Variants in AFF3 observed in about 807,000 individuals in gnomAD.
AFF3 encodes ALF transcription elongation factor 3, also known as AF4/FMR2 family member 3.
AFF3 carries 32 observed loss-of-function variants against 129.7 expected under a neutral mutation model. The ratio of observed to expected loss-of-function variants is 0.25; its 90% CI spans 0.19 to 0.33. AFF3 has a LOEUF of 0.33. AFF3 is among the 10% of genes least tolerant of loss of function. The probability of loss-of-function intolerance (pLI) is 1.00; values close to 1 mark genes in which losing one functional copy is unlikely to be tolerated. For synonymous variants in AFF3, 644 were observed against 635.4 expected, an observed-to-expected ratio of 1.01 and a Z score of -0.20; for missense variants, 1,373 against 1,592.0, an observed-to-expected ratio of 0.86 and a Z score of 2.34.
At chr2:99,644,238 G>A (rs914228769) in intron 13 of AFF3, among the ~76,000 whole-genome samples, 7 of 152,248 alleles carry the variant, frequency 4.6e-5, no homozygotes, top group East Asian at 1.9e-4. Context: ...TGCTGGAGTC[G>A]CAGGCTGACA....
intron 8 of AFF3, among the ~76,000 whole-genome samples, chr2:99,819,067 C>T (rs1313464613): frequency 1.3e-5 from 2 of 152,190 alleles, no homozygotes; most frequent in South Asian, 4.1e-4. Flanking sequence ...GCCAATTTAC[C>T]TGGCGTATGC....
chr2:99,860,798 G>A (rs534905119), intron 7 of AFF3, among the ~76,000 whole-genome samples: 2 of 152,042 alleles, frequency 1.3e-5, no homozygotes, highest in African/African-American at 4.8e-5. Context: ...GTGATCACCT[G>A]ACATATGTAT....
chr2:99,574,919 G>C (rs80159119), intron 18 of AFF3, among the ~76,000 whole-genome samples: 1 of 152,126 alleles, frequency 6.6e-6, no homozygotes, highest in East Asian at 1.9e-4. Context: ...GAGAAGTCAA[G>C]GGAGGTGACA....
At chr2:99,981,608 A>C (rs1201514609) in intron 7 of AFF3, among the ~76,000 whole-genome samples, 1 of 152,168 alleles carries the variant, frequency 6.6e-6, no homozygotes, top group African/African-American at 2.4e-5. Flanking sequence ...GCATGTCTTC[A>C]TATTCATTTT....
chr2:99,626,336 TCC>T (rs1682546459), intron 13 of AFF3, among the ~76,000 whole-genome samples: 1 of 123,314 alleles, frequency 8.1e-6, no homozygotes, highest in African/African-American at 3.2e-5. Flanking sequence ...CTTCCTTCCC[TCC>T]TCTCTCTTTC....
intron 7 of AFF3, among the ~76,000 whole-genome samples, chr2:99,890,588 G>C (rs184562843): frequency 1.3e-5 from 2 of 152,090 alleles, no homozygotes; most frequent in African/African-American, 2.4e-5. Flanking sequence ...AGGAAGAAGC[G>C]GGCAACCTCT....
chr2:99,627,396 T>C (rs1293816238), intron 13 of AFF3, among the ~76,000 whole-genome samples: 2 of 152,020 alleles, frequency 1.3e-5, no homozygotes, highest in Non-Finnish European at 1.5e-5. Context: ...TGTCTGACCA[T>C]GTCCTTTGCC....
chr2:99,616,128 A>AAC (rs1456271066), intron 13 of AFF3, among the ~76,000 whole-genome samples: 2 of 152,186 alleles, frequency 1.3e-5, no homozygotes, highest in Non-Finnish European at 2.9e-5. Context: ...TACTGTGAGG[A>AAC]ACACCTCTTT....
intron 7 of AFF3, among the ~76,000 whole-genome samples, chr2:99,876,952 T>C (rs560995064): frequency 6.6e-6 from 1 of 152,040 alleles, no homozygotes; most frequent in Non-Finnish European, 1.5e-5. Flanking sequence ...TAAAGTCGAG[T>C]TGGATTTTAT....
chr2:100,055,407 C>T (rs1164947572), intron 4 of AFF3, among the ~76,000 whole-genome samples: 1 of 151,342 alleles, frequency 6.6e-6, no homozygotes, highest in Non-Finnish European at 1.5e-5. Context: ...TAGCACCCTC[C>T]CTCCTGGCCA....
chr2:99,728,402 T>A (rs1305260016), intron 10 of AFF3, among the ~76,000 whole-genome samples: 1 of 152,182 alleles, frequency 6.6e-6, no homozygotes, highest in African/African-American at 2.4e-5. Context: ...ACTGCTCACG[T>A]CCTTGGGCCC....
chr2:99,683,128 GATGTGT>G (rs1457740263), intron 11 of AFF3, among the ~76,000 whole-genome samples: 1 of 152,166 alleles, frequency 6.6e-6, no homozygotes, highest in Non-Finnish European at 1.5e-5. Context: ...CAAACTGACT[GATGTGT>G]ATAGTAATTA....
At chr2:99,743,365 G>A (rs1034914880) in intron 10 of AFF3, among the ~76,000 whole-genome samples, 2 of 152,196 alleles carry the variant, frequency 1.3e-5, no homozygotes, top group African/African-American at 2.4e-5. Flanking sequence ...AGGATGTTCA[G>A]TCTTCAAATG....
intron 7 of AFF3, among the ~76,000 whole-genome samples, chr2:99,893,669 T>C (rs1270404081): frequency 1.3e-5 from 2 of 152,248 alleles, no homozygotes; most frequent in Non-Finnish European, 2.9e-5. Flanking sequence ...CTACAGTCTA[T>C]GGCATTTTGT....
intron 7 of AFF3, among the ~76,000 whole-genome samples, chr2:99,981,929 A>T (rs1188528897): frequency 6.6e-6 from 1 of 152,284 alleles, no homozygotes; most frequent in African/African-American, 2.4e-5. Flanking sequence ...AGTCTTTTTT[A>T]AAAAAGAGAG....
intron 4 of AFF3, among the ~76,000 whole-genome samples, chr2:100,088,849 A>G (rs1291837530): frequency 6.6e-6 from 1 of 152,266 alleles, no homozygotes; most frequent in Non-Finnish European, 1.5e-5. Flanking sequence ...TCTCGTAAAG[A>G]TTTTAAAAAC....
intron 7 of AFF3, among the ~76,000 whole-genome samples, chr2:99,973,858 T>C (rs1413002412): frequency 6.6e-6 from 1 of 151,974 alleles, no homozygotes. Context: ...CCGGGGAGGG[T>C]TCCTCTTGTG....
chr2:99,837,215 T>C (rs548361365), intron 8 of AFF3, among the ~76,000 whole-genome samples: 2 of 152,306 alleles, frequency 1.3e-5, no homozygotes, highest in African/African-American at 4.8e-5. Context: ...CCAGCATATT[T>C]TTCATCTAAA....
chr2:100,003,998 C>A (rs1235394499), intron 7 of AFF3, among the ~76,000 whole-genome samples: 1 of 151,404 alleles, frequency 6.6e-6, no homozygotes, highest in Non-Finnish European at 1.5e-5. Flanking sequence ...AAAAAAAATT[C>A]TCTCATTGCA....
Sources: allele counts gnomAD v4.1 joint callset (sites outside exome capture counted in the v4.1 genomes callset), GRCh38; gene constraint gnomAD v4.1.1; transcripts MANE v1.5; gene names NCBI Gene and HGNC (gene_info 2026-07-23, HGNC 2026-07-21).